CHST9: variants seen among roughly 807,000 people sequenced by gnomAD.
The protein encoded by CHST9 is carbohydrate sulfotransferase 9, also known as GalNAc-4-sulfotransferase 2.
Under a neutral mutation model 44.4 loss-of-function variants are expected in CHST9, and 41 were observed. The observed-to-expected ratio is 0.92, with a 90% CI of 0.72 to 1.20. The LOEUF (loss-of-function observed/expected upper bound fraction) is 1.20. CHST9 is among the 50% of genes most tolerant of loss of function. The pLI, the probability that CHST9 is intolerant of heterozygous loss-of-function variation, is 0.00. For missense variants in CHST9, 504 were observed against 516.5 expected, an observed-to-expected ratio of 0.98 and a Z score of 0.23; for synonymous variants, 171 against 178.4, an observed-to-expected ratio of 0.96 and a Z score of 0.33.
At chr18:27,065,268 T>C (rs767544908) in intron 2 of CHST9, among the ~76,000 whole-genome samples, 1 of 152,200 alleles carries the variant, frequency 6.6e-6, no homozygotes, top group Non-Finnish European at 1.5e-5. Flanking sequence ...AAGCCAAGAA[T>C]TTTAGACCTC....
chr18:27,086,356 G>C (rs1055154632), intron 2 of CHST9, among the ~76,000 whole-genome samples: 3 of 152,176 alleles, frequency 2.0e-5, no homozygotes, highest in Non-Finnish European at 4.4e-5. Context: ...TAAAAATTTG[G>C]TGAGTTGGCC....
chr18:27,021,964 C>T (rs1200562490), intron 4 of CHST9, among the ~76,000 whole-genome samples: 1 of 145,012 alleles, frequency 6.9e-6, no homozygotes, highest in Non-Finnish European at 1.5e-5. Context: ...GGATGATAGG[C>T]ACATGCCCCT....
chr18:26,994,418 C>T (rs1410732436), intron 4 of CHST9, among the ~76,000 whole-genome samples: 2 of 152,052 alleles, frequency 1.3e-5, no homozygotes, highest in South Asian at 2.1e-4. Context: ...CACAGGGAGA[C>T]AGAGCCAGAA....
chr18:27,128,459 G>A (rs1292227756), intron 2 of CHST9, among the ~76,000 whole-genome samples: 2 of 151,974 alleles, frequency 1.3e-5, no homozygotes, highest in East Asian at 1.9e-4. Context: ...TAGTAGAGAC[G>A]GGGTTTCACC....
intron 4 of CHST9, among the ~76,000 whole-genome samples, chr18:26,956,311 CAAA>C (rs10641983): frequency 1.2e-3 from 136 of 112,374 alleles, no homozygotes; most frequent in African/African-American, 3.4e-3. Context: ...GACTCTGTCT[CAAA>C]AAAAAAAAAA....
intron 2 of CHST9, among the ~76,000 whole-genome samples, chr18:27,121,387 C>A (rs1598738813): frequency 6.6e-6 from 1 of 152,110 alleles, no homozygotes; most frequent in Admixed American, 6.5e-5. Flanking sequence ...TACTCCCCCT[C>A]CCTGTTGATT....
intron 4 of CHST9, among the ~76,000 whole-genome samples, chr18:26,982,339 CTT>C (rs34211889): frequency 2.2e-3 from 296 of 133,576 alleles, no homozygotes; most frequent in Middle Eastern, 3.9e-3. Flanking sequence ...CTCCTTTTAC[CTT>C]TTTTTTTTTT....
Position 26,912,429 on chromosome 18 carries a change from A to G in CHST9, c.*3830T>C, listed in dbSNP as rs2055454771. The G allele has an allele frequency of 6.6e-6, 1 of 151,736 alleles. No homozygotes were observed. The highest frequency in any genetic ancestry group is 1.5e-5 in the Non-Finnish European group (1 of 68,018). The allele number at this position is 151,736 out of a possible 1,614,324, so 9.4% of individuals were successfully genotyped here. A position where few individuals can be genotyped will look rare whatever the true frequency, so the allele number is the denominator to read the frequency against. ...CACACACACAGACACCCATATTTGT[A>G]TGGAAAAAATTTCAGGATTCCAATA... is the stretch of plus-strand genomic sequence containing the variant. On this transcript the variant is annotated 3_prime_UTR_variant, in exon 6 of 6. Transcript: ENST00000618847.
chr18:27,103,547 T>C (rs1398605476), intron 2 of CHST9, among the ~76,000 whole-genome samples: 1 of 152,208 alleles, frequency 6.6e-6, no homozygotes, highest in East Asian at 1.9e-4. Context: ...ATAACCAGCA[T>C]GGTGCTAAGA....
intron 5 of CHST9, among the ~76,000 whole-genome samples, chr18:26,925,281 AT>A (rs1242345070): frequency 7.8e-6 from 1 of 128,544 alleles, no homozygotes; most frequent in East Asian, 3.3e-4. Flanking sequence ...ATTCTTCTCC[AT>A]TTTGTTTGCC....
rs756391754 is a variant in CHST9 at position 27,052,854 on chromosome 18, C to T, written c.122-4351G>A. 3.6e-4 allele frequency among the ~76,000 whole-genome samples: 55 copies of T among 151,936 alleles called. 1 individual carries two copies. The highest frequency in any genetic ancestry group is 1.2e-3 in the South Asian group (6 of 4,808). ...ACCATACACCTCATATTCTTACTCA[C>T]CAGTGGGAGTTGAACAATGAGAACA... On this transcript the variant is annotated intron_variant, in intron 2 of 5. Transcript: ENST00000618847.
chr18:27,087,060 T>C (rs1325808551), intron 2 of CHST9, among the ~76,000 whole-genome samples: 1 of 152,162 alleles, frequency 6.6e-6, no homozygotes, highest in East Asian at 1.9e-4. Context: ...TATACTGTCT[T>C]GAAAGTCAAC....
intron 5 of CHST9, among the ~76,000 whole-genome samples, chr18:26,924,207 A>G (rs190568459): frequency 1.7e-4 from 26 of 152,302 alleles, no homozygotes; most frequent in Admixed American, 5.2e-4. Context: ...AACTAAGACA[A>G]TGGGGTAAGA....
chr18:27,163,424 G>A (rs143105321), intron 1 of CHST9, among the ~76,000 whole-genome samples: 1,805 of 152,302 alleles, frequency 0.012, 20 homozygotes, highest in Middle Eastern at 0.017. Flanking sequence ...GGAGTCTACA[G>A]AGGCAGGCAG....
chr18:26,933,670 TACTGAGC>T (rs2055921791), intron 5 of CHST9: 1 of 153,752 alleles, frequency 6.5e-6, no homozygotes, highest in Non-Finnish European at 1.5e-5. Context: ...AAGAAGTATT[TACTGAGC>T]ACCTACTATG....
intron 2 of CHST9, 59 bp from the exon 3 acceptor site, chr18:27,048,562 A>T (rs1033668990): frequency 2.5e-5 from 36 of 1,421,424 alleles, no homozygotes; most frequent in Non-Finnish European, 3.3e-5. Context: ...TGATGAAAAT[A>T]AGATGAAAGC....
intron 1 of CHST9, among the ~76,000 whole-genome samples, chr18:27,164,325 A>AG (rs1267804160): frequency 1.3e-5 from 2 of 151,790 alleles, no homozygotes; most frequent in Admixed American, 6.6e-5. Context: ...TCAGAAAGAA[A>AG]AAAAAAAAAC....
At chr18:27,172,326 C>T (rs1372521951) in intron 1 of CHST9, among the ~76,000 whole-genome samples, 2 of 151,938 alleles carry the variant, frequency 1.3e-5, no homozygotes, top group African/African-American at 4.8e-5. Flanking sequence ...AATGTATTAA[C>T]AGTTTAATAA....
At chr18:27,102,954 ATTTG>A (rs2058188074) in intron 2 of CHST9, among the ~76,000 whole-genome samples, 2 of 152,152 alleles carry the variant, frequency 1.3e-5, no homozygotes, top group African/African-American at 2.4e-5. Flanking sequence ...ATAATGGGCC[ATTTG>A]TTTGTCATTG....
Sources: allele counts gnomAD v4.1 joint callset (sites outside exome capture counted in the v4.1 genomes callset), GRCh38; gene constraint gnomAD v4.1.1; transcripts MANE v1.5; gene names NCBI Gene and HGNC (gene_info 2026-07-23, HGNC 2026-07-21).